The following MYO10 variants were observed in gnomAD, a reference collection of about 807,000 sequenced individuals.
The protein encoded by MYO10 is myosin X, also known as unconventional myosin-X.
Under a neutral mutation model 257.3 loss-of-function variants are expected in MYO10, and 133 were observed. That is an observed-to-expected ratio of 0.52 (90% CI 0.45 to 0.60). The LOEUF (loss-of-function observed/expected upper bound fraction) is 0.60. Ranked by LOEUF, MYO10 falls within the 20% of genes least tolerant of loss-of-function variation. The probability of loss-of-function intolerance (pLI) is 0.00; values close to 1 mark genes in which losing one functional copy is unlikely to be tolerated. For missense variants in MYO10, 2,399 were observed against 2,635.7 expected (o/e 0.91, Z 1.97); for synonymous variants, 1,104 against 1,028.6 (o/e 1.07, Z -1.40).
intron 11 of MYO10, among the ~76,000 whole-genome samples, chr5:16,765,634 G>A (rs566947147): frequency 4.6e-5 from 7 of 152,124 alleles, no homozygotes; most frequent in East Asian, 1.9e-4. Context: ...CATTATTGTC[G>A]TAAGTAATGT....
chr5:16,825,463 G>A (rs929427615), intron 2 of MYO10, among the ~76,000 whole-genome samples: 2 of 152,156 alleles, frequency 1.3e-5, no homozygotes, highest in Non-Finnish European at 2.9e-5. Context: ...TTTAACAAAA[G>A]TTTCCTAACA....
intron 19 of MYO10, among the ~76,000 whole-genome samples, chr5:16,745,847 A>G (rs1026622173): frequency 6.6e-6 from 1 of 152,184 alleles, no homozygotes; most frequent in Non-Finnish European, 1.5e-5. Flanking sequence ...ATATTTCCTC[A>G]ATTCTTAATG....
chr5:16,690,432 C>T (rs11747522), intron 27 of MYO10, among the ~76,000 whole-genome samples: 7,284 of 152,210 alleles, frequency 0.048, 280 homozygotes, highest in Admixed American at 0.11. Flanking sequence ...CTAGGGGGAG[C>T]CAGTCTCATC....
chr5:16,674,914 G>A lies in MYO10; in HGVS notation c.4903C>T (p.Leu1635=). The A allele has an allele frequency of 6.2e-7, 1 of 1,614,016 alleles. No homozygotes were observed. Among genetic ancestry groups the A allele is most frequent in the Non-Finnish European group, 8.5e-7 (1 of 1,179,898 alleles). Residue 1635 remains leucine (L), a synonymous_variant, in exon 35 of 41, where the codon CTG becomes TTG. Coordinates refer to ENST00000513610, the MANE Select transcript of MYO10 (RefSeq NM_012334.3). The stretch of plus-strand genomic sequence containing the variant: ...CGACTCGGCAGGAAGGTGCAGCTCA[G>A]GCATGTCAGGATCTGCCAGCTGTAC... The part of the protein sequence containing the change: ...NLYSWQILTC[L]SCTFLPSRGI...
At chr5:16,811,079 A>C (rs1246928576) in intron 3 of MYO10, among the ~76,000 whole-genome samples, 2 of 151,854 alleles carry the variant, frequency 1.3e-5, no homozygotes, top group African/African-American at 4.8e-5. Flanking sequence ...AAAAAAAAAA[A>C]AAAAAACAAA....
At chr5:16,878,516 T>C (rs1415639534) in intron 1 of MYO10, among the ~76,000 whole-genome samples, 1 of 152,220 alleles carries the variant, frequency 6.6e-6, no homozygotes, top group Non-Finnish European at 1.5e-5. Flanking sequence ...AATATCATAT[T>C]GAGCTTTTTC....
intron 1 of MYO10, among the ~76,000 whole-genome samples, chr5:16,884,681 G>A (rs1580113384): frequency 6.6e-6 from 1 of 150,584 alleles, no homozygotes; most frequent in East Asian, 2.0e-4. Flanking sequence ...CCTTCTGTTG[G>A]AAGTAGGAGT....
chr5:16,762,143 A>AAATATATATAT (rs370443366), intron 15 of MYO10, 30 bp from the exon 16 acceptor site: 2 of 1,092,332 alleles, frequency 1.8e-6, no homozygotes, highest in African/African-American at 3.2e-5. Flanking sequence ...AAAAAAAAAA[A>AAATATATATAT]ATACAATGCC....
chr5:16,903,337 G>A (rs757292119), intron 1 of MYO10, among the ~76,000 whole-genome samples: 6 of 152,182 alleles, frequency 3.9e-5, no homozygotes, highest in Non-Finnish European at 5.9e-5. Flanking sequence ...CCTGGGAGGC[G>A]GAGGTTGCAT....
intron 1 of MYO10, among the ~76,000 whole-genome samples, chr5:16,929,254 A>C (rs1055938747): frequency 2.0e-5 from 3 of 152,144 alleles, no homozygotes. Flanking sequence ...CACCCGGCCA[A>C]ATCAGTGGCA....
At chr5:16,731,624 C>T (rs1330967555) in intron 19 of MYO10, among the ~76,000 whole-genome samples, 1 of 152,234 alleles carries the variant, frequency 6.6e-6, no homozygotes, top group Non-Finnish European at 1.5e-5. Flanking sequence ...GCTGGGATTA[C>T]AGGCGTGAGC....
At chr5:16,706,300 A>AATATATAT (rs200664749) in intron 21 of MYO10, among the ~76,000 whole-genome samples, 190 of 151,600 alleles carry the variant, frequency 1.3e-3, no homozygotes, top group African/African-American at 4.5e-3. Context: ...TATACATGAG[A>AATATATAT]ATATATATAT....
At chr5:16,920,508 G>C (rs1322635731) in intron 1 of MYO10, among the ~76,000 whole-genome samples, 6 of 152,192 alleles carry the variant, frequency 3.9e-5, no homozygotes, top group Admixed American at 3.9e-4. Flanking sequence ...CTGGGGGTTA[G>C]AGGGAGGGAG....
At chr5:16,677,679 T>G (rs1736799186) in intron 33 of MYO10, among the ~76,000 whole-genome samples, 1 of 152,090 alleles carries the variant, frequency 6.6e-6, no homozygotes. Context: ...CCTCCCAAAG[T>G]GCTGGGATTA....
chr5:16,897,426 C>T (rs1310014851), intron 1 of MYO10, among the ~76,000 whole-genome samples: 6 of 152,198 alleles, frequency 3.9e-5, no homozygotes, highest in South Asian at 2.1e-4. Context: ...CAAAGACGTA[C>T]GCCCTACTGG....
intron 27 of MYO10, among the ~76,000 whole-genome samples, chr5:16,691,269 CAAA>C (rs35469219): frequency 1.0e-4 from 11 of 105,654 alleles, no homozygotes; most frequent in Admixed American, 1.0e-4. Flanking sequence ...GACTCCGTCT[CAAA>C]AAAAAAAAAA....
At chr5:16,684,531 TCCG>T (rs1036594773) in intron 29 of MYO10, among the ~76,000 whole-genome samples, 3 of 152,196 alleles carry the variant, frequency 2.0e-5, no homozygotes, top group African/African-American at 7.2e-5. Context: ...GGTCTGAGCT[TCCG>T]CACCTGGCCC....
chr5:16,915,982 C>G, intron 1 of MYO10: 1 of 441,584 alleles, frequency 2.3e-6, no homozygotes, highest in South Asian at 1.6e-5. Context: ...AAAAAAATCA[C>G]TCACCATACA....
At chr5:16,690,444 C>T (rs1051826571) in intron 27 of MYO10, among the ~76,000 whole-genome samples, 1 of 152,210 alleles carries the variant, frequency 6.6e-6, no homozygotes, top group Non-Finnish European at 1.5e-5. Flanking sequence ...AGTCTCATCT[C>T]TGCTGCCCAG....
Sources: gnomAD v4.1 joint callset for allele counts (sites outside exome capture counted in the v4.1 genomes callset) on GRCh38, gnomAD v4.1.1 for gene constraint, MANE v1.5 for transcripts, NCBI Gene and HGNC (gene_info 2026-07-23, HGNC 2026-07-21) for gene names.